The following CXXC5 variants were observed in gnomAD, a reference collection of about 807,000 sequenced individuals.
CXXC5 encodes the protein CXXC-type zinc finger protein 5.
Under a neutral mutation model 17.6 loss-of-function variants are expected in CXXC5, and 2 were observed. The ratio of observed to expected loss-of-function variants is 0.11; its 90% CI spans 0.05 to 0.36. The LOEUF (loss-of-function observed/expected upper bound fraction) is 0.36. Among genes scored for constraint, CXXC5 ranks in the 10% least tolerant of loss-of-function variants. The pLI, the probability that CXXC5 is intolerant of heterozygous loss-of-function variation, is 1.00. For synonymous variants in CXXC5, 171 were observed against 193.0 expected, an observed-to-expected ratio of 0.89 and a Z score of 0.94; for missense variants, 343 against 458.3, an observed-to-expected ratio of 0.75 and a Z score of 2.30.
In CXXC5 at chr5:139,670,150, G is replaced by A. The variant is rs1025195177; in HGVS notation, c.-160-10214G>A. On this transcript the variant is annotated intron_variant, in intron 1 of 2. Transcript: ENST00000302517. The surrounding 1 kb of genome is among the most constrained non-coding windows in gnomAD (Gnocchi z 4.2). ...TCTCGCCTCATTATTTTTGTGTTCC[G>A]GGGCTGCGGCGACACCTCCCTCCCT... Among the ~76,000 whole-genome samples the A allele has an allele frequency of 5.3e-5, 8 of 152,134 alleles. No individual in the cohort carries two copies. The highest frequency in any genetic ancestry group is 1.2e-4 in the Non-Finnish European group (8 of 68,018).
At chr5:139,660,974 C>T (rs925739609) in intron 1 of CXXC5, among the ~76,000 whole-genome samples, 4 of 150,516 alleles carry the variant, frequency 2.7e-5, no homozygotes, top group African/African-American at 9.8e-5. Flanking sequence ...TAGGCTTTTC[C>T]CAGCTCAGGT....
intron 1 of CXXC5, among the ~76,000 whole-genome samples, chr5:139,656,657 G>A (rs917376837): frequency 1.3e-5 from 2 of 152,202 alleles, no homozygotes; most frequent in Non-Finnish European, 2.9e-5. Flanking sequence ...CACCAAATAA[G>A]TGTTTGAAGA....
intron 2 of CXXC5, 103 bp downstream of exon 2, chr5:139,681,550 T>G: frequency 7.2e-7 from 1 of 1,381,876 alleles, no homozygotes; most frequent in East Asian, 2.4e-5. Flanking sequence ...GGCAAGTGTC[T>G]GGGGGATGCC....
Position 139,661,817 on chromosome 5 carries a change from G to A in CXXC5, c.-161+12972G>A, listed in dbSNP as rs1467876970. Among the ~76,000 whole-genome samples, 1 of 152,386 alleles carries A rather than the reference G, an allele frequency of 6.6e-6. No individual in the cohort carries two copies. Among genetic ancestry groups the A allele is most frequent in the South Asian group, 2.1e-4 (1 of 4,830 alleles). On this transcript the variant is annotated intron_variant, in intron 1 of 2. Transcript: ENST00000302517. The surrounding 1 kb of genome is among the most constrained non-coding windows in gnomAD (Gnocchi z 4.7). ...CCGGGTTCTGCAAGGTGTGGGTGGG[G>A]AAGTGGAGATGGTTTTTTCCCATAG...
chr5:139,650,817 G>A (rs1212253525), intron 1 of CXXC5, among the ~76,000 whole-genome samples: 1 of 152,180 alleles, frequency 6.6e-6, no homozygotes, highest in Non-Finnish European at 1.5e-5. Flanking sequence ...GGGAAACTCA[G>A]GCCGGCGGGC....
At chr5:139,652,167 C>CGTGTGTGT (rs1469942183) in intron 1 of CXXC5, among the ~76,000 whole-genome samples, 38 of 141,960 alleles carry the variant, frequency 2.7e-4, no homozygotes, top group South Asian at 9.3e-4. Flanking sequence ...CGCGCGCGCG[C>CGTGTGTGT]GCGCGTGTGT....
At position 139,682,937 on chromosome 5, in the gene CXXC5, G is replaced by T. The variant is rs762153955; in HGVS notation, c.*30G>T. The T allele has an allele frequency of 1.3e-6, 2 of 1,565,506 alleles. No homozygotes were observed. Among genetic ancestry groups the T allele is most frequent in the South Asian group, 1.2e-5 (1 of 86,168 alleles). On this transcript the variant is annotated 3_prime_UTR_variant, in exon 3 of 3. Coordinates refer to ENST00000302517, the MANE Select transcript of CXXC5 (RefSeq NM_016463.9). The stretch of plus-strand genomic sequence containing the variant: ...GGCGGAACCCAAAGCTGCCCTCTCC[G>T]TGCAATGTCACTGCTCGTGTGGTCT...
chr5:139,669,624 A>G lies in CXXC5; in HGVS notation c.-160-10740A>G, dbSNP rs373493789. ...ATGTGGCCACACTCATTTCATGGAC[A>G]TTAGCCTGTCTTCCCAGCCTTGTGT... On this transcript the variant is annotated intron_variant, in intron 1 of 2. Coordinates refer to ENST00000302517, the MANE Select transcript of CXXC5 (RefSeq NM_016463.9). 1.8e-4 allele frequency among the ~76,000 whole-genome samples: 28 copies of G among 152,244 alleles called. No homozygotes were observed. The Middle Eastern group carries it at 0.01, about 55-fold the overall frequency.
chr5:139,669,029 C>T (rs966574295), intron 1 of CXXC5, among the ~76,000 whole-genome samples: 8 of 152,186 alleles, frequency 5.3e-5, no homozygotes, highest in Non-Finnish European at 1.0e-4. Flanking sequence ...GCCTGCCTTA[C>T]TGCCATGAGC....
At chr5:139,652,380 C>T (rs1352750532) in intron 1 of CXXC5, among the ~76,000 whole-genome samples, 1 of 152,046 alleles carries the variant, frequency 6.6e-6, no homozygotes, top group East Asian at 1.9e-4. Flanking sequence ...CCCCCCAACG[C>T]TGAGCCCACC....
chr5:139,677,409 C>A (rs560989848), intron 1 of CXXC5, among the ~76,000 whole-genome samples: 9 of 152,102 alleles, frequency 5.9e-5, no homozygotes, highest in Non-Finnish European at 1.2e-4. Context: ...ATGAGTAGGG[C>A]AAATGGGGCT....
chr5:139,676,005 G>C (rs1046163171), intron 1 of CXXC5, among the ~76,000 whole-genome samples: 24 of 131,894 alleles, frequency 1.8e-4, no homozygotes, highest in African/African-American at 7.0e-4. Context: ...GTGGCCCCAG[G>C]TATGAGTCTC....
chr5:139,657,281 C>T (rs1007048720), intron 1 of CXXC5, among the ~76,000 whole-genome samples: 2 of 152,234 alleles, frequency 1.3e-5, no homozygotes, highest in Non-Finnish European at 2.9e-5. Context: ...TGGCAGAGCC[C>T]TTGACAGGCT....
At chr5:139,647,650 A>G (rs1011707573), upstream of CXXC5, among the ~76,000 whole-genome samples, 5 of 152,170 alleles carry the variant, frequency 3.3e-5, no homozygotes, top group Admixed American at 6.5e-5. Context: ...TGCGTAGGCC[A>G]TGGTCTCAGG....
chr5:139,677,963 A>G (rs589153), intron 1 of CXXC5, among the ~76,000 whole-genome samples: 52,592 of 152,190 alleles, frequency 0.35, 9,540 homozygotes, highest in Middle Eastern at 0.44. Flanking sequence ...CAGAGCAGGA[A>G]CAGCGTTAAT....
rs1037014996 is a variant in CXXC5, at chr5:139,648,376, G to A, written c.-630G>A. On this transcript the variant is annotated 5_prime_UTR_variant, in exon 1 of 3. Coordinates refer to ENST00000302517, the MANE Select transcript of CXXC5 (RefSeq NM_016463.9). ...CGGCGGCAGAGGCGGCTGAGCCTGAGCGGGGATGTAGAGGCGGCGGCAGCA... is the reference window on the plus strand; with the variant it reads ...CGGCGGCAGAGGCGGCTGAGCCTGAACGGGGATGTAGAGGCGGCGGCAGCA... 4 of 158,668 alleles carry A rather than the reference G, an allele frequency of 2.5e-5. No homozygotes were observed. The highest frequency in any genetic ancestry group is 5.5e-5 in the Non-Finnish European group (4 of 73,030). 9.8% of individuals were successfully genotyped at this position (158,668 alleles called of 1,614,324 possible).
rs1013512046 is a variant in CXXC5, at chr5:139,668,954, C to T, written c.-160-11410C>T. Among the ~76,000 whole-genome samples the T allele has an allele frequency of 6.6e-6, 1 of 152,128 alleles. No individual in the cohort carries two copies. The highest frequency in any genetic ancestry group is 2.4e-5 in the African/African-American group (1 of 41,442). On this transcript the variant is annotated intron_variant, in intron 1 of 2. Coordinates refer to ENST00000302517, the MANE Select transcript of CXXC5 (RefSeq NM_016463.9). This position sits in a 1 kb window ranked among gnomAD's most constrained non-coding sequence, Gnocchi z 4.1. The stretch of plus-strand genomic sequence containing the variant: ...GATTTAGGGAGCTGGGCTTTGTATA[C>T]CCCTCCCAGTCTCCTCTCTTGGGGG...
intron 1 of CXXC5, among the ~76,000 whole-genome samples, chr5:139,653,049 C>A (rs1168379098): frequency 2.0e-5 from 3 of 152,080 alleles, no homozygotes; most frequent in African/African-American, 7.3e-5. Flanking sequence ...TTGTTTGAGG[C>A]CCTGAATGTG....
upstream of CXXC5, chr5:139,647,526 G>T (rs1754938570): frequency 6.6e-6 from 1 of 152,346 alleles, no homozygotes; most frequent in Non-Finnish European, 1.5e-5. Flanking sequence ...CGGGATATGC[G>T]GGCCCAACTC....
Sources: allele counts gnomAD v4.1 joint callset (sites outside exome capture counted in the v4.1 genomes callset), GRCh38; gene constraint gnomAD v4.1.1; non-coding constraint Gnocchi (gnomAD v3.1); transcripts MANE v1.5; gene names NCBI Gene and HGNC (gene_info 2026-07-23, HGNC 2026-07-21).